KCNAB2: variants seen among roughly 807,000 people sequenced by gnomAD.
The protein encoded by KCNAB2 is potassium voltage-gated channel subfamily A regulatory beta subunit 2, also known as voltage-gated potassium channel subunit beta-2.
In KCNAB2, 29 loss-of-function variants were observed where a neutral mutation model predicts 63.6. That is an observed-to-expected ratio of 0.46 (90% CI 0.34 to 0.62). The LOEUF (loss-of-function observed/expected upper bound fraction) is 0.62. Ranked by LOEUF, KCNAB2 falls within the 20% of genes least tolerant of loss-of-function variation. The pLI is 0.01. For synonymous variants in KCNAB2, 222 were observed against 224.2 expected (o/e 0.99, Z 0.09); for missense variants, 359 against 563.9 (o/e 0.64, Z 3.68).
At chr1:6,050,040 G>A (rs1400857000) in intron 1 of KCNAB2, among the ~76,000 whole-genome samples, 1 of 152,172 alleles carries the variant, frequency 6.6e-6, no homozygotes, top group Non-Finnish European at 1.5e-5. Context: ...GGCCCCTGGA[G>A]CTCACCCCAG....
chr1:6,015,042 T>TG (rs869033366), intron 1 of KCNAB2, among the ~76,000 whole-genome samples: 1 of 138,908 alleles, frequency 7.2e-6, no homozygotes. Flanking sequence ...TTTTTTTTTT[T>TG]GTTTTTTGAG....
intron 2 of KCNAB2, among the ~76,000 whole-genome samples, chr1:6,061,659 C>A (rs972403243): frequency 6.6e-6 from 1 of 152,226 alleles, no homozygotes; most frequent in Non-Finnish European, 1.5e-5. Flanking sequence ...CAAAACCCCT[C>A]CCAGGTAACA....
intron 5 of KCNAB2, 113 bp downstream of exon 5, chr1:6,082,387 C>G (rs547383646): frequency 1.4e-5 from 11 of 795,292 alleles, no homozygotes; most frequent in South Asian, 7.2e-5. Flanking sequence ...CACCTTGCAC[C>G]CTGCTTTCAT....
chr1:6,098,212 TTA>T (rs1476550093), intron 15 of KCNAB2: 1 of 1,191,126 alleles, frequency 8.4e-7, no homozygotes, highest in East Asian at 4.4e-5. Context: ...AGTTTCCATT[TTA>T]TGTCACTGCT....
chr1:6,041,040 G>A (rs1235548385), upstream of KCNAB2: 1 of 176,372 alleles, frequency 5.7e-6, no homozygotes, highest in Non-Finnish European at 1.2e-5. Flanking sequence ...TCCTGAGCGA[G>A]GATGACGACC....
chr1:6,018,441 TG>T (rs1307990892), intron 1 of KCNAB2, among the ~76,000 whole-genome samples: 1 of 151,968 alleles, frequency 6.6e-6, no homozygotes, highest in Non-Finnish European at 1.5e-5. Flanking sequence ...GGTGGGGCTC[TG>T]GGGGTGATAA....
intron 1 of KCNAB2, among the ~76,000 whole-genome samples, chr1:6,016,315 G>A (rs918082053): frequency 2.6e-5 from 4 of 152,204 alleles, no homozygotes; most frequent in African/African-American, 9.6e-5. Context: ...CAGGGCTCAG[G>A]GAGGACCTCG....
At chr1:6,095,273 C>G in intron 11 of KCNAB2, 50 bp from the exon 12 acceptor site, 1 of 1,556,378 alleles carries the variant, frequency 6.4e-7, no homozygotes, top group Non-Finnish European at 8.7e-7. Context: ...CCGGCAGCCT[C>G]CCGCCTGCTC....
chr1:6,013,602 A>G (rs1658318089), intron 1 of KCNAB2, among the ~76,000 whole-genome samples: 1 of 152,084 alleles, frequency 6.6e-6, no homozygotes, highest in Non-Finnish European at 1.5e-5. Flanking sequence ...CCCCTGTTTC[A>G]GAAACTGACC....
chr1:5,997,175 G>A (rs1656987755), intron 1 of KCNAB2, among the ~76,000 whole-genome samples: 1 of 152,182 alleles, frequency 6.6e-6, no homozygotes, highest in African/African-American at 2.4e-5. Context: ...ATCCTGCCTG[G>A]AGCTCAGGTG....
At chr1:6,044,219 G>C (rs2100484194), upstream of KCNAB2, among the ~76,000 whole-genome samples, 1 of 152,322 alleles carries the variant, frequency 6.6e-6, no homozygotes, top group East Asian at 1.9e-4. Flanking sequence ...AAGGGCATGG[G>C]TACAGAGAGG....
intron 5 of KCNAB2, among the ~76,000 whole-genome samples, chr1:6,083,549 G>GAGCA (rs1664393174): frequency 6.6e-6 from 1 of 152,214 alleles, no homozygotes; most frequent in Admixed American, 6.5e-5. Context: ...GGGAGTCAGG[G>GAGCA]AGCAGCTTCC....
intron 1 of KCNAB2, among the ~76,000 whole-genome samples, chr1:5,996,822 G>C (rs1176982390): frequency 1.3e-5 from 2 of 152,208 alleles, no homozygotes; most frequent in Admixed American, 1.3e-4. Flanking sequence ...CAACTCCATG[G>C]CTGGGAGCTG....
upstream of KCNAB2, among the ~76,000 whole-genome samples, chr1:6,043,127 G>T (rs148302980): frequency 6.6e-6 from 1 of 152,080 alleles, no homozygotes; most frequent in Admixed American, 6.5e-5. Context: ...AACATATGCC[G>T]CTCATCCCAG....
At chr1:6,075,685 A>T (rs546915121) in intron 4 of KCNAB2, among the ~76,000 whole-genome samples, 2 of 152,256 alleles carry the variant, frequency 1.3e-5, no homozygotes, top group Non-Finnish European at 2.9e-5. Context: ...GCAGGGAAGC[A>T]AGGACCGTCC....
At chr1:6,058,069 G>A (rs1661992256) in intron 2 of KCNAB2, among the ~76,000 whole-genome samples, 1 of 152,144 alleles carries the variant, frequency 6.6e-6, no homozygotes, top group Non-Finnish European at 1.5e-5. Context: ...GGATCACTGA[G>A]CCCAGGAGGC....
At chr1:6,089,443 C>T (rs4908765) in intron 8 of KCNAB2, among the ~76,000 whole-genome samples, 20,437 of 152,296 alleles carry the variant, frequency 0.13, 1,473 homozygotes, top group African/African-American at 0.18. Context: ...CCACACAGCC[C>T]GGGGCTCAGC....
intron 1 of KCNAB2, among the ~76,000 whole-genome samples, chr1:5,995,353 AC>A (rs1656886079): frequency 6.6e-6 from 1 of 152,056 alleles, no homozygotes; most frequent in Non-Finnish European, 1.5e-5. Flanking sequence ...GCTGGGTTGG[AC>A]CCCCTACTTC....
chr1:6,029,281 C>CAAAAAAAA (rs756374657), intron 1 of KCNAB2, among the ~76,000 whole-genome samples: 1 of 62,716 alleles, frequency 1.6e-5, no homozygotes. Context: ...GACTCCATCT[C>CAAAAAAAA]AAAAAAAAAA....
Sources: gnomAD v4.1 joint callset for allele counts (sites outside exome capture counted in the v4.1 genomes callset) on GRCh38, gnomAD v4.1.1 for gene constraint, MANE v1.5 for transcripts, NCBI Gene and HGNC (gene_info 2026-07-23, HGNC 2026-07-21) for gene names.